The following ARHGAP15 variants were observed in gnomAD, a reference collection of about 807,000 sequenced individuals.
The protein encoded by ARHGAP15 is Rho GTPase activating protein 15.
Under a neutral mutation model 63.7 loss-of-function variants are expected in ARHGAP15, and 51 were observed. The observed-to-expected ratio is 0.80, with a 90% confidence interval of 0.64 to 1.01. The LOEUF (loss-of-function observed/expected upper bound fraction) is 1.01, where lower values mean the gene tolerates loss of function less well. Among genes scored for constraint, ARHGAP15 ranks in the 50% least tolerant of loss-of-function variants. ARHGAP15 has a pLI of 0.00. For missense variants in ARHGAP15, 560 were observed against 564.6 expected (o/e 0.99, Z 0.08); for synonymous variants, 191 against 193.8 (o/e 0.99, Z 0.12).
At chr2:143,258,825 C>G (rs778519408) in intron 6 of ARHGAP15, among the ~76,000 whole-genome samples, 7 of 152,142 alleles carry the variant, frequency 4.6e-5, no homozygotes, top group Admixed American at 2.0e-4. Context: ...TTCTTGACCT[C>G]AGCCTCATCA....
intron 11 of ARHGAP15, among the ~76,000 whole-genome samples, chr2:143,575,990 G>T (rs567629916): frequency 6.6e-6 from 1 of 152,100 alleles, no homozygotes; most frequent in African/African-American, 2.4e-5. Context: ...TTCTGACAAA[G>T]AAGTGCCCTG....
At chr2:143,718,698 T>C (rs1296523225) in intron 13 of ARHGAP15, among the ~76,000 whole-genome samples, 2 of 152,226 alleles carry the variant, frequency 1.3e-5, no homozygotes, top group Non-Finnish European at 2.9e-5. Flanking sequence ...TTCATCATCC[T>C]CTGCAGATTC....
At chr2:143,445,240 A>C (rs2105117444) in intron 8 of ARHGAP15, among the ~76,000 whole-genome samples, 2 of 138,358 alleles carry the variant, frequency 1.4e-5, no homozygotes, top group East Asian at 4.3e-4. Flanking sequence ...GGCTCACTAC[A>C]ACCTCCGCCT....
Position 143,291,616 on chromosome 2 carries a change from A to G in ARHGAP15, c.474+41016A>G, listed in dbSNP as rs541852173. Among the ~76,000 whole-genome samples, 29 of 152,238 alleles carry G rather than the reference A, an allele frequency of 1.9e-4. No individual in the cohort carries two copies. The Middle Eastern group carries it at 0.014, about 71-fold the overall frequency. On this transcript the variant is annotated intron_variant, in intron 6 of 13. Coordinates refer to ENST00000295095, the MANE Select transcript of ARHGAP15 (RefSeq NM_018460.4). ...AGGCCAGGAGGCAGTGTGCTGGTAGATGCCAGGCAATCCAGACAGGATCCC... is the reference window on the plus strand; with the variant it reads ...AGGCCAGGAGGCAGTGTGCTGGTAGGTGCCAGGCAATCCAGACAGGATCCC...
intron 12 of ARHGAP15, among the ~76,000 whole-genome samples, chr2:143,660,310 T>C (rs1277212027): frequency 1.3e-5 from 2 of 152,194 alleles, no homozygotes; most frequent in East Asian, 3.8e-4. Flanking sequence ...CCAGAAATTT[T>C]AGGAGACAAT....
At chr2:143,650,861 A>G (rs1681126596) in intron 12 of ARHGAP15, among the ~76,000 whole-genome samples, 1 of 151,928 alleles carries the variant, frequency 6.6e-6, no homozygotes, top group African/African-American at 2.4e-5. Context: ...AATTAACTCT[A>G]GAGTGTGATT....
chr2:143,635,582 A>G (rs1680270286), intron 12 of ARHGAP15, among the ~76,000 whole-genome samples: 2 of 152,036 alleles, frequency 1.3e-5, no homozygotes, highest in Admixed American at 1.3e-4. Flanking sequence ...AGAGTTAAAC[A>G]TTAGATGTGA....
intron 9 of ARHGAP15, among the ~76,000 whole-genome samples, chr2:143,493,128 G>A (rs1173879193): frequency 2.0e-5 from 3 of 152,020 alleles, no homozygotes; most frequent in African/African-American, 7.2e-5. Flanking sequence ...ACATAAGATT[G>A]TTTACTGTAG....
chr2:143,305,686 A>C (rs773705730), intron 6 of ARHGAP15, among the ~76,000 whole-genome samples: 11 of 152,088 alleles, frequency 7.2e-5, no homozygotes, highest in Non-Finnish European at 1.0e-4. Flanking sequence ...AATAATATAG[A>C]TATATCAAAC....
At chr2:143,656,934 G>GGTGTGTGT (rs5834961) in intron 12 of ARHGAP15, among the ~76,000 whole-genome samples, 7,138 of 144,956 alleles carry the variant, frequency 0.049, 278 homozygotes, top group East Asian at 0.13. Context: ...CAAAGTTTCT[G>GGTGTGTGT]GTGTGTGTGT....
intron 6 of ARHGAP15, among the ~76,000 whole-genome samples, chr2:143,349,842 C>T (rs916626300): frequency 1.3e-5 from 2 of 152,076 alleles, no homozygotes; most frequent in African/African-American, 2.4e-5. Flanking sequence ...AATTTCTCTG[C>T]TATAATATAT....
intron 12 of ARHGAP15, among the ~76,000 whole-genome samples, chr2:143,654,856 A>G (rs1681353329): frequency 6.6e-6 from 1 of 152,208 alleles, no homozygotes; most frequent in African/African-American, 2.4e-5. Context: ...ATGACCTGAG[A>G]GGCTGAGGAG....
chr2:143,641,669 T>C (rs1158643125), intron 12 of ARHGAP15, among the ~76,000 whole-genome samples: 1 of 152,146 alleles, frequency 6.6e-6, no homozygotes. Context: ...TATAAGTTGG[T>C]GCTGCCTGTA....
At chr2:143,149,353 G>T (rs1689723430) in intron 1 of ARHGAP15, among the ~76,000 whole-genome samples, 1 of 151,956 alleles carries the variant, frequency 6.6e-6, no homozygotes, top group African/African-American at 2.4e-5. Context: ...AATTCCCTGG[G>T]TGTATGGCCA....
At chr2:143,413,966 T>TGTGTGCGCGCGTGCGCGC in intron 6 of ARHGAP15, among the ~76,000 whole-genome samples, 1 of 117,924 alleles carries the variant, frequency 8.5e-6, no homozygotes, top group African/African-American at 3.5e-5. Flanking sequence ...TGTGTGTGTG[T>TGTGTGCGCGCGTGCGCGC]GCGCGCTCTC....
chr2:143,658,015 T>A (rs2105315031), intron 12 of ARHGAP15, among the ~76,000 whole-genome samples: 1 of 152,342 alleles, frequency 6.6e-6, no homozygotes, highest in African/African-American at 2.4e-5. Flanking sequence ...CATCAGTTCC[T>A]TCAGTAACTA....
intron 6 of ARHGAP15, among the ~76,000 whole-genome samples, chr2:143,413,927 T>TTGTGTGTGTGTGTGTGTGTG (rs1553476588): frequency 1.6e-5 from 2 of 127,992 alleles, no homozygotes; most frequent in Non-Finnish European, 1.6e-5. Flanking sequence ...AGGTAGGTAG[T>TTGTGTGTGTGTGTGTGTGTG]TGTGTGTGTG....
At chr2:143,174,399 C>T (rs1204233041) in intron 2 of ARHGAP15, among the ~76,000 whole-genome samples, 1 of 151,986 alleles carries the variant, frequency 6.6e-6, no homozygotes, top group Non-Finnish European at 1.5e-5. Context: ...AACATCTCTC[C>T]CATCCATAAT....
At position 143,291,558 on chromosome 2, in the gene ARHGAP15, C is replaced by A. The variant is rs373780169; in HGVS notation, c.474+40958C>A. Reference sequence around the variant, plus strand: ...AATTCTAAAGTACTTCAGTGTATTACCAGGTGGGTTCTCTTCAGAGAACCC... The same window carrying A: ...AATTCTAAAGTACTTCAGTGTATTAACAGGTGGGTTCTCTTCAGAGAACCC... On this transcript the variant is annotated intron_variant, in intron 6 of 13. Transcript: ENST00000295095. Among the ~76,000 whole-genome samples the A allele has an allele frequency of 1.8e-4, 27 of 152,130 alleles. 1 individual carries two copies. The highest frequency in any genetic ancestry group is 9.2e-4 in the Admixed American group (14 of 15,264).
Sources: gnomAD v4.1 joint callset for allele counts (sites outside exome capture counted in the v4.1 genomes callset) on GRCh38, gnomAD v4.1.1 for gene constraint, MANE v1.5 for transcripts, NCBI Gene and HGNC (gene_info 2026-07-23, HGNC 2026-07-21) for gene names.